XIRP2: variants seen among roughly 807,000 people sequenced by gnomAD.
XIRP2 encodes xin actin-binding repeat-containing protein 2.
A neutral mutation model predicts 277.0 loss-of-function variants in XIRP2; 236 were observed. The observed-to-expected ratio is 0.85, with a 90% CI of 0.77 to 0.95. The LOEUF (loss-of-function observed/expected upper bound fraction) is 0.95, where lower values mean the gene tolerates loss of function less well. Among genes scored for constraint, XIRP2 ranks in the 40% least tolerant of loss-of-function variants. XIRP2 has a pLI of 0.00. For missense variants in XIRP2, 4,640 were observed against 4,157.5 expected, an observed-to-expected ratio of 1.12 and a Z score of -3.19; for synonymous variants, 1,490 against 1,416.5, an observed-to-expected ratio of 1.05 and a Z score of -1.17.
chr2:167,193,577 C>T (rs755818597), intron 3 of XIRP2, among the ~76,000 whole-genome samples: 33 of 152,066 alleles, frequency 2.2e-4, no homozygotes, highest in Admixed American at 3.9e-4. Flanking sequence ...TTTTACTCTT[C>T]GTTAACCTTG....
At chr2:167,100,678 A>C (rs1285168618) in intron 2 of XIRP2, among the ~76,000 whole-genome samples, 3 of 152,246 alleles carry the variant, frequency 2.0e-5, no homozygotes, top group African/African-American at 7.2e-5. Context: ...GCAAGTAAGC[A>C]TCTTGCCTGA....
At chr2:167,067,329 A>C (rs1689324912) in intron 2 of XIRP2, among the ~76,000 whole-genome samples, 2 of 152,102 alleles carry the variant, frequency 1.3e-5, no homozygotes, top group Non-Finnish European at 2.9e-5. Context: ...TGTCAGTCCC[A>C]ACCAGTGTAT....
intron 3 of XIRP2, among the ~76,000 whole-genome samples, chr2:167,146,771 G>A (rs938391367): frequency 1.3e-5 from 2 of 151,906 alleles, no homozygotes; most frequent in African/African-American, 4.8e-5. Flanking sequence ...CATGCACAAT[G>A]AAGGCATATC....
chr2:167,023,070 A>C (rs1201807151), intron 2 of XIRP2, among the ~76,000 whole-genome samples: 3 of 152,336 alleles, frequency 2.0e-5, no homozygotes, highest in Non-Finnish European at 4.4e-5. Flanking sequence ...CAGTCCCACC[A>C]ACAGTGTAAA....
Position 167,246,283 on chromosome 2 carries a change from G to A in XIRP2, c.4891G>A (p.Gly1631Arg), listed in dbSNP as rs867213864. The change falls in exon 9 of 11, where the codon GGA (glycine) becomes AGA (arginine). Residue 1631 changes from glycine (G) to arginine (R), a missense_variant. Gly to Arg is a moderately radical substitution (Grantham distance 125). Transcript: ENST00000409195. ...REILISEEEKGNVNLTKTQLL... is the reference protein window; with the variant it reads ...REILISEEEKRNVNLTKTQLL... ...GATTTTGATTAGTGAAGAAGAGAAG[G>A]GAAATGTTAATTTGACTAAAACTCA... 1.2e-6 allele frequency: 2 copies of A among 1,613,228 alleles called. No homozygotes were observed. Among genetic ancestry groups the A allele is most frequent in the Non-Finnish European group, 1.7e-6 (2 of 1,179,606 alleles).
At chr2:167,053,201 C>G (rs1688957926) in intron 2 of XIRP2, among the ~76,000 whole-genome samples, 1 of 152,182 alleles carries the variant, frequency 6.6e-6, no homozygotes, top group Non-Finnish European at 1.5e-5. Flanking sequence ...GTCTCCTACT[C>G]TACAGCTATA....
chr2:167,110,889 C>A (rs951814215), intron 2 of XIRP2, among the ~76,000 whole-genome samples: 4 of 152,048 alleles, frequency 2.6e-5, no homozygotes, highest in African/African-American at 9.7e-5. Context: ...AATTTCATCA[C>A]CCTGGTTAGC....
At chr2:167,040,976 C>T (rs995521569) in intron 2 of XIRP2, among the ~76,000 whole-genome samples, 1 of 152,194 alleles carries the variant, frequency 6.6e-6, no homozygotes, top group Admixed American at 6.5e-5. Context: ...GCCCTGCTGC[C>T]GCCCTGACAA....
At chr2:167,176,859 C>G (rs1053366773) in intron 3 of XIRP2, among the ~76,000 whole-genome samples, 5 of 152,192 alleles carry the variant, frequency 3.3e-5, no homozygotes, top group African/African-American at 1.2e-4. Flanking sequence ...CCCCTGCACT[C>G]CTTTCAGACT....
chr2:167,037,254 ATTC>A (rs1688533784), intron 2 of XIRP2, among the ~76,000 whole-genome samples: 1 of 152,160 alleles, frequency 6.6e-6, no homozygotes, highest in Non-Finnish European at 1.5e-5. Flanking sequence ...CAGAGTACAC[ATTC>A]TTCTCCTCAA....
intron 3 of XIRP2, among the ~76,000 whole-genome samples, chr2:167,188,281 G>A (rs1341018510): frequency 6.6e-6 from 1 of 152,150 alleles, no homozygotes; most frequent in African/African-American, 2.4e-5. Context: ...GGCCTTAAAT[G>A]TTTAGATGTT....
intron 5 of XIRP2, among the ~76,000 whole-genome samples, chr2:167,228,692 A>G (rs1210349026): frequency 1.3e-5 from 2 of 152,154 alleles, no homozygotes; most frequent in Admixed American, 1.3e-4. Context: ...CATTAGTAAG[A>G]CTGAGTTGCA....
At chr2:166,907,769 CCCA>C (rs796649174) in intron 2 of XIRP2, among the ~76,000 whole-genome samples, 73 of 120,402 alleles carry the variant, frequency 6.1e-4, no homozygotes, top group African/African-American at 2.2e-3. Context: ...CCCCCCTCCC[CCCA>C]CCCCATGACA....
rs1304777970 is a variant in XIRP2, at chr2:166,906,283, G to A, written c.408+2393G>A. The stretch of plus-strand genomic sequence containing the variant: ...GGTTTATAAAATTTGTAAAATAATT[G>A]CAGTAAATTGAGAGCTTGTAGAATT... On this transcript the variant is annotated intron_variant, in intron 2 of 10. Coordinates refer to ENST00000409195, the MANE Select transcript of XIRP2 (RefSeq NM_152381.6). Among the ~76,000 whole-genome samples, 5 of 151,894 alleles carry A rather than the reference G, an allele frequency of 3.3e-5. No individual in the cohort carries two copies. The East Asian group carries it at 9.7e-4, about 29-fold the overall frequency.
At chr2:167,130,856 C>T (rs1335068725) in intron 2 of XIRP2, among the ~76,000 whole-genome samples, 2 of 151,890 alleles carry the variant, frequency 1.3e-5, no homozygotes, top group African/African-American at 4.8e-5. Flanking sequence ...TTCTCATTGC[C>T]CAAACTAGAA....
intron 2 of XIRP2, among the ~76,000 whole-genome samples, chr2:167,025,192 T>C (rs1014356412): frequency 6.6e-6 from 1 of 152,210 alleles, no homozygotes; most frequent in Non-Finnish European, 1.5e-5. Context: ...GGAGGGTGTA[T>C]GTGTCGAGGA....
intron 3 of XIRP2, among the ~76,000 whole-genome samples, chr2:167,146,164 C>A (rs1691859175): frequency 6.6e-6 from 1 of 150,840 alleles, no homozygotes. Flanking sequence ...TTGTATATTG[C>A]TGAAGAGAGA....
chr2:167,135,783 T>A, intron 2 of XIRP2, 126 bp from the exon 3 acceptor site: 1 of 863,210 alleles, frequency 1.2e-6, no homozygotes, highest in Non-Finnish European at 1.7e-6. Flanking sequence ...ACCTGAAGCA[T>A]ATTGAAAACA....
chr2:167,102,640 G>T lies in XIRP2; in HGVS notation c.409-33269G>T, dbSNP rs531078953. ...ATTGTTTTTAGATAGAATAAAAAGTGTAATATATGCTCTCATTTAATCTTC... is the reference window on the plus strand; with the variant it reads ...ATTGTTTTTAGATAGAATAAAAAGTTTAATATATGCTCTCATTTAATCTTC... On this transcript the variant is annotated intron_variant, in intron 2 of 10. Coordinates refer to ENST00000409195, the MANE Select transcript of XIRP2 (RefSeq NM_152381.6). Among the ~76,000 whole-genome samples the T allele has an allele frequency of 4.6e-5, 7 of 152,250 alleles. No homozygotes were observed. In the East Asian group the frequency reaches 9.7e-4, roughly 21 times the overall value.
Sources: gnomAD v4.1 joint callset for allele counts (sites outside exome capture counted in the v4.1 genomes callset) on GRCh38, gnomAD v4.1.1 for gene constraint, MANE v1.5 for transcripts, NCBI Gene and HGNC (gene_info 2026-07-23, HGNC 2026-07-21) for gene names.